The following BANK1 variants were observed in gnomAD, a reference collection of about 807,000 sequenced individuals.
BANK1 encodes the protein B-cell scaffold protein with ankyrin repeats.
A neutral mutation model predicts 94.5 loss-of-function variants in BANK1; 95 were observed. The ratio of observed to expected loss-of-function variants is 1.00; its 90% confidence interval spans 0.85 to 1.19. The LOEUF is 1.19. Ranked by LOEUF, BANK1 falls within the 50% of genes most tolerant of loss-of-function variation. BANK1 has a pLI of 0.00. For synonymous variants in BANK1, 334 were observed against 308.4 expected (o/e 1.08, Z -0.87); for missense variants, 987 against 932.2 (o/e 1.06, Z -0.77).
intron 12 of BANK1, chr4:102,062,062 T>G (rs548565639): frequency 2.0e-5 from 3 of 152,326 alleles, no homozygotes; most frequent in African/African-American, 7.2e-5. Flanking sequence ...CAAAGATGCA[T>G]TCCTATGTAC....
chr4:101,820,350 G>A (rs996671376), intron 1 of BANK1, among the ~76,000 whole-genome samples: 2 of 152,172 alleles, frequency 1.3e-5, no homozygotes, highest in Non-Finnish European at 2.9e-5. Context: ...TCCCTTGTGG[G>A]ATCTAACTCT....
chr4:102,010,093 G>A (rs1017126463), intron 7 of BANK1, among the ~76,000 whole-genome samples: 16 of 136,718 alleles, frequency 1.2e-4, no homozygotes, highest in Non-Finnish European at 2.3e-4. Context: ...GGTGAAACCC[G>A]TCTCTACTAA....
chr4:101,878,792 CAA>C (rs559852958), intron 5 of BANK1, among the ~76,000 whole-genome samples: 2 of 151,944 alleles, frequency 1.3e-5, no homozygotes, highest in African/African-American at 4.8e-5. Flanking sequence ...AAATCAATAA[CAA>C]GAGGAAATTT....
intron 2 of BANK1, among the ~76,000 whole-genome samples, chr4:101,852,406 T>G (rs985776136): frequency 1.4e-5 from 2 of 143,454 alleles, no homozygotes; most frequent in African/African-American, 5.1e-5. Flanking sequence ...TATTATATAT[T>G]TATATCTATT....
intron 7 of BANK1, among the ~76,000 whole-genome samples, chr4:101,940,500 C>A (rs189994501): frequency 8.6e-5 from 13 of 151,722 alleles, no homozygotes; most frequent in African/African-American, 2.9e-4. Flanking sequence ...TACCTATGTC[C>A]TTTTTCTGTT....
chr4:101,824,561 T>C lies in BANK1; in HGVS notation c.71-5247T>C, dbSNP rs994290405. Among the ~76,000 whole-genome samples the C allele has an allele frequency of 2.6e-4, 40 of 152,202 alleles. 1 individual carries two copies. The highest frequency in any genetic ancestry group is 4.4e-5 in the Non-Finnish European group (3 of 68,026). On this transcript the variant is annotated intron_variant, in intron 1 of 16. Coordinates refer to ENST00000322953, the MANE Select transcript of BANK1 (RefSeq NM_017935.5). ...GTACAAAGTTGGAATGTAAACTCAA[T>C]TGAGTTATACTTACTGTGTAATGTA...
rs1728845681 is a variant in BANK1 at position 102,074,122 on chromosome 4, C to T, written c.*123C>T. ...TCATACTATGACAGCAGAAACAAAA[C>T]TTCAGATTTCAGAATTTGTTATTGG... On this transcript the variant is annotated 3_prime_UTR_variant, in exon 17 of 17. Coordinates refer to ENST00000322953, the MANE Select transcript of BANK1 (RefSeq NM_017935.5). 1 of 164,834 alleles carries T rather than the reference C, an allele frequency of 6.1e-6. No homozygotes were observed. Among genetic ancestry groups the T allele is most frequent in the African/African-American group, 2.4e-5 (1 of 41,650 alleles). 10.2% of individuals were successfully genotyped at this position (164,834 alleles called of 1,614,324 possible). A position where few individuals can be genotyped will look rare whatever the true frequency, so the allele number is the denominator to read the frequency against.
Position 101,829,016 on chromosome 4 carries a change from C to CCA in BANK1, c.71-788_71-787dup, listed in dbSNP as rs1337351362. On this transcript the variant is annotated intron_variant, in intron 1 of 16. Transcript: ENST00000322953. ...TGCCTGGGACTACAGGCACCCACCACCACACCCAGCTAATTTTTTGTATTT... is the reference window on the plus strand; with the variant it reads ...TGCCTGGGACTACAGGCACCCACCACCACACACCCAGCTAATTTTTTGTATTT... 2.8e-4 allele frequency among the ~76,000 whole-genome samples: 43 copies of CCA among 152,120 alleles called. 1 individual carries two copies. The highest frequency in any genetic ancestry group is 9.7e-4 in the East Asian group (5 of 5,160).
intron 7 of BANK1, among the ~76,000 whole-genome samples, chr4:101,951,994 A>T (rs920405687): frequency 6.6e-6 from 1 of 152,100 alleles, no homozygotes; most frequent in African/African-American, 2.4e-5. Context: ...TGATAATAAA[A>T]TGTGTGCCTG....
At position 101,826,219 on chromosome 4, in the gene BANK1, A is replaced by G. The variant is rs531518166; in HGVS notation, c.71-3589A>G. 1.2e-4 allele frequency among the ~76,000 whole-genome samples: 18 copies of G among 152,138 alleles called. No individual in the cohort carries two copies. The South Asian group carries it at 3.7e-3, about 32-fold the overall frequency. On this transcript the variant is annotated intron_variant, in intron 1 of 16. Coordinates refer to ENST00000322953, the MANE Select transcript of BANK1 (RefSeq NM_017935.5). The stretch of plus-strand genomic sequence containing the variant: ...AAGACTACCCCATAGGCTGCTTGAT[A>G]TTGACTAATCTAACTCATATCCCTG...
intron 11 of BANK1, among the ~76,000 whole-genome samples, chr4:102,053,927 C>A (rs1728137825): frequency 6.6e-6 from 1 of 151,668 alleles, no homozygotes; most frequent in Non-Finnish European, 1.5e-5. Flanking sequence ...GTAACCACTA[C>A]TTTCAAATTC....
chr4:101,950,637 G>A (rs930397142), intron 7 of BANK1, among the ~76,000 whole-genome samples: 8 of 152,230 alleles, frequency 5.3e-5, no homozygotes, highest in East Asian at 1.9e-4. Context: ...TTTAAAAAAC[G>A]TGAGTTCCAC....
intron 6 of BANK1, among the ~76,000 whole-genome samples, chr4:101,899,224 T>C (rs1428849796): frequency 6.6e-6 from 1 of 151,952 alleles, no homozygotes; most frequent in African/African-American, 2.4e-5. Context: ...AAAAATGTAG[T>C]CCTGTAAATT....
intron 10 of BANK1, among the ~76,000 whole-genome samples, chr4:102,035,084 A>C (rs2148952649): frequency 6.6e-6 from 1 of 152,354 alleles, no homozygotes; most frequent in East Asian, 1.9e-4. Context: ...GATCCACATC[A>C]GTGTGGGTAG....
intron 6 of BANK1, among the ~76,000 whole-genome samples, chr4:101,917,183 A>G (rs1260290073): frequency 2.0e-5 from 3 of 152,024 alleles, no homozygotes; most frequent in Non-Finnish European, 2.9e-5. Context: ...TTCTGTGGCT[A>G]TAAGACTTCA....
intron 2 of BANK1, among the ~76,000 whole-genome samples, chr4:101,851,888 C>T (rs1002817521): frequency 3.0e-4 from 45 of 152,086 alleles, no homozygotes; most frequent in African/African-American, 9.7e-4. Context: ...TGGGAAAGTC[C>T]CAGTTATCTC....
At chr4:101,814,814 G>A (rs1179712098) in intron 1 of BANK1, among the ~76,000 whole-genome samples, 1 of 151,992 alleles carries the variant, frequency 6.6e-6, no homozygotes, top group East Asian at 1.9e-4. Flanking sequence ...ACTAAGAATG[G>A]TATAAAAACA....
chr4:101,828,433 G>A (rs1726454121), intron 1 of BANK1, among the ~76,000 whole-genome samples: 1 of 145,438 alleles, frequency 6.9e-6, no homozygotes, highest in Non-Finnish European at 1.5e-5. Flanking sequence ...CTACCACCTA[G>A]ATCAAGATAT....
intron 10 of BANK1, among the ~76,000 whole-genome samples, chr4:102,041,582 A>G (rs1727702622): frequency 6.6e-6 from 1 of 152,006 alleles, no homozygotes; most frequent in East Asian, 1.9e-4. Flanking sequence ...TTAAAAGAGA[A>G]CTCAGAGGTG....
Sources: allele counts gnomAD v4.1 joint callset (sites outside exome capture counted in the v4.1 genomes callset), GRCh38; gene constraint gnomAD v4.1.1; transcripts MANE v1.5; gene names NCBI Gene and HGNC (gene_info 2026-07-23, HGNC 2026-07-21).